Variants in PRKG1 observed in about 807,000 individuals in gnomAD.
PRKG1 encodes the protein protein kinase cGMP-dependent 1.
In PRKG1, 35 loss-of-function variants were observed where a neutral mutation model predicts 88.1. The observed-to-expected ratio is 0.40, with a 90% CI of 0.30 to 0.53. The LOEUF (loss-of-function observed/expected upper bound fraction) is 0.53. PRKG1 is among the 20% of genes least tolerant of loss of function. The pLI is 0.59. For missense variants in PRKG1, 540 were observed against 839.8 expected (o/e 0.64, Z 4.41); for synonymous variants, 303 against 292.5 (o/e 1.04, Z -0.37).
In PRKG1 at chr10:51,013,319, C is replaced by T. The variant is rs535697362; in HGVS notation, c.266+21675C>T. Among the ~76,000 whole-genome samples, 276 of 152,304 alleles carry T rather than the reference C, an allele frequency of 1.8e-3. 6 individuals are homozygous for T. The highest frequency in any genetic ancestry group is 0.017 in the Admixed American group (256 of 15,294). On this transcript the variant is annotated intron_variant, in intron 1 of 17. Coordinates refer to the PRKG1 transcript ENST00000401604. Reference sequence around the variant, plus strand: ...ATCACTGCTGCTGCTACTATTACTACCACCACTAGACTTGCAGACTATGTT... The same window carrying T: ...ATCACTGCTGCTGCTACTATTACTATCACCACTAGACTTGCAGACTATGTT...
At chr10:51,832,237 A>G (rs112931751) in intron 4 of PRKG1, among the ~76,000 whole-genome samples, 98 of 152,340 alleles carry the variant, frequency 6.4e-4, no homozygotes, top group African/African-American at 2.3e-3. Context: ...AAGCAGTTAA[A>G]AAGATCTCAT....
At chr10:51,751,873 G>C (rs554244185) in intron 3 of PRKG1, among the ~76,000 whole-genome samples, 1 of 151,824 alleles carries the variant, frequency 6.6e-6, no homozygotes, top group East Asian at 1.9e-4. Context: ...GCCTACATAA[G>C]TATTTGTTGC....
At chr10:51,148,006 A>G (rs1425274821) in intron 1 of PRKG1, among the ~76,000 whole-genome samples, 2 of 152,336 alleles carry the variant, frequency 1.3e-5, no homozygotes, top group Non-Finnish European at 1.5e-5. Flanking sequence ...TTGTTAGGCA[A>G]GAAATAGGAT....
At chr10:51,658,556 T>A (rs973378248) in intron 3 of PRKG1, among the ~76,000 whole-genome samples, 1 of 151,142 alleles carries the variant, frequency 6.6e-6, no homozygotes, top group Non-Finnish European at 1.5e-5. Context: ...CTAACAATTA[T>A]AGAAAACTGA....
intron 3 of PRKG1, among the ~76,000 whole-genome samples, chr10:51,583,870 A>G (rs1305294301): frequency 1.3e-5 from 2 of 152,098 alleles, no homozygotes; most frequent in Non-Finnish European, 2.9e-5. Context: ...GGTATGGCAT[A>G]TAGTATAACA....
intron 5 of PRKG1, among the ~76,000 whole-genome samples, chr10:52,029,778 G>A (rs1017022147): frequency 6.6e-6 from 1 of 152,120 alleles, no homozygotes; most frequent in Non-Finnish European, 1.5e-5. Flanking sequence ...AAGCTGCATG[G>A]TTCCCTTAGT....
intron 3 of PRKG1, among the ~76,000 whole-genome samples, chr10:51,797,912 A>G (rs539902948): frequency 6.6e-6 from 1 of 152,036 alleles, no homozygotes; most frequent in Admixed American, 6.6e-5. Flanking sequence ...GTCTTTTTGT[A>G]TGTGGCTTAT....
chr10:52,023,714 C>A (rs1375475175), intron 5 of PRKG1, among the ~76,000 whole-genome samples: 2 of 152,206 alleles, frequency 1.3e-5, no homozygotes, highest in Non-Finnish European at 2.9e-5. Context: ...TAAATGTCTT[C>A]TTTTGAGAAG....
At chr10:51,150,205 G>A (rs189210174) in intron 1 of PRKG1, among the ~76,000 whole-genome samples, 1 of 152,098 alleles carries the variant, frequency 6.6e-6, no homozygotes, top group East Asian at 1.9e-4. Context: ...GCTACCTTCT[G>A]GTACTTGTGA....
At chr10:51,796,850 C>G (rs1462748754) in intron 3 of PRKG1, among the ~76,000 whole-genome samples, 1 of 152,040 alleles carries the variant, frequency 6.6e-6, no homozygotes, top group South Asian at 2.1e-4. Flanking sequence ...TTCTTGACCT[C>G]CATAACTGCA....
chr10:51,947,307 C>T (rs1554859037), intron 5 of PRKG1, among the ~76,000 whole-genome samples: 1 of 152,150 alleles, frequency 6.6e-6, no homozygotes, highest in Non-Finnish European at 1.5e-5. Context: ...GTTTTTTAAG[C>T]TCGTCAGAAA....
At chr10:51,602,762 GTGTGTGTGTGTGTGTGTGTATA>G (rs1217835839) in intron 3 of PRKG1, among the ~76,000 whole-genome samples, 1 of 132,740 alleles carries the variant, frequency 7.5e-6, no homozygotes, top group Non-Finnish European at 1.5e-5. Context: ...GTGTGTGTGT[GTGTGTGTGTGTGTGTGTGTATA>G]TATTCATATA....
At chr10:51,894,687 A>G (rs1841800709) in intron 4 of PRKG1, among the ~76,000 whole-genome samples, 2 of 152,190 alleles carry the variant, frequency 1.3e-5, no homozygotes, top group South Asian at 4.1e-4. Flanking sequence ...AAGATCTGTT[A>G]TAAGAATCTG....
rs1249994755 is a variant in PRKG1, at chr10:51,425,167, A to C, written c.479-42556A>C. 2.6e-5 allele frequency among the ~76,000 whole-genome samples: 4 copies of C among 152,330 alleles called. No homozygotes were observed. The East Asian group carries it at 5.8e-4, about 22-fold the overall frequency. ...GTTTAACTCTGAGAACTATATATCA[A>C]ATTCATGATCATATTCTGAAAATTA... On this transcript the variant is annotated intron_variant, in intron 2 of 17. Transcript: ENST00000373980.
At chr10:51,415,913 G>T (rs1016290200) in intron 2 of PRKG1, among the ~76,000 whole-genome samples, 2 of 95,890 alleles carry the variant, frequency 2.1e-5, no homozygotes, top group East Asian at 5.1e-4. Context: ...AGCTTCCAGT[G>T]TGTGTGTGTG....
At chr10:51,914,908 A>T (rs967314129) in intron 5 of PRKG1, among the ~76,000 whole-genome samples, 6 of 152,202 alleles carry the variant, frequency 3.9e-5, no homozygotes, top group African/African-American at 7.2e-5. Context: ...AAAGTTTTTT[A>T]AAAAAGACAA....
chr10:51,598,620 T>C (rs913759033), intron 3 of PRKG1, among the ~76,000 whole-genome samples: 2 of 152,224 alleles, frequency 1.3e-5, no homozygotes, highest in African/African-American at 2.4e-5. Flanking sequence ...ACATGTGTTC[T>C]TATTTTGTTT....
intron 2 of PRKG1, among the ~76,000 whole-genome samples, chr10:51,410,270 A>ATGTGTGTG (rs71459418): frequency 8.9e-5 from 13 of 146,798 alleles, no homozygotes; most frequent in African/African-American, 1.8e-4. Context: ...ATATATATAT[A>ATGTGTGTG]TGTGTGTGTG....
At chr10:52,258,480 G>A (rs887161495) in intron 10 of PRKG1, among the ~76,000 whole-genome samples, 3 of 151,090 alleles carry the variant, frequency 2.0e-5, no homozygotes, top group Admixed American at 6.7e-5. Flanking sequence ...TCTGTGAGGA[G>A]AACATGAGAC....
Sources: allele counts gnomAD v4.1 joint callset (sites outside exome capture counted in the v4.1 genomes callset), GRCh38; gene constraint gnomAD v4.1.1; transcripts MANE v1.5; gene names NCBI Gene and HGNC (gene_info 2026-07-23, HGNC 2026-07-21).